GAD1: variants seen among roughly 807,000 people sequenced by gnomAD.
GAD1 encodes glutamate decarboxylase 1.
Under a neutral mutation model 75.2 loss-of-function variants are expected in GAD1, and 35 were observed. The observed-to-expected ratio is 0.47, with a 90% confidence interval of 0.36 to 0.62. The LOEUF is 0.62. Ranked by LOEUF, GAD1 falls within the 20% of genes least tolerant of loss-of-function variation. The probability of loss-of-function intolerance (pLI) is 0.00; values close to 1 mark genes in which losing one functional copy is unlikely to be tolerated. For synonymous variants in GAD1, 257 were observed against 271.9 expected (o/e 0.95, Z 0.54); for missense variants, 490 against 758.5 (o/e 0.65, Z 4.16).
In GAD1 at chr2:170,853,101, C is replaced by T. The variant is rs948014687; in HGVS notation, c.1263+309C>T. ...AAAAAGTGGGAGCAAGTAGGTGAGGCATCCAATCAGTTTTGTCCTCAGTGA... is the reference window on the plus strand; with the variant it reads ...AAAAAGTGGGAGCAAGTAGGTGAGGTATCCAATCAGTTTTGTCCTCAGTGA... On this transcript the variant is annotated intron_variant, in intron 13 of 16. Coordinates refer to ENST00000358196, the MANE Select transcript of GAD1 (RefSeq NM_000817.3). This position sits in a 1 kb window ranked among gnomAD's most constrained non-coding sequence, Gnocchi z 4.1. The T allele has an allele frequency of 2.3e-6, 1 of 441,150 alleles. No individual in the cohort carries two copies. The highest frequency in any genetic ancestry group is 2.0e-5 in the African/African-American group (1 of 50,042). 27.3% of individuals were successfully genotyped at this position (441,150 alleles called of 1,614,324 possible).
At chr2:170,835,121 T>C (rs1442756559) in intron 5 of GAD1, among the ~76,000 whole-genome samples, 1 of 152,212 alleles carries the variant, frequency 6.6e-6, no homozygotes, top group Non-Finnish European at 1.5e-5. Flanking sequence ...AATGTCATTG[T>C]CATACCTGAA....
Position 170,843,965 on chromosome 2 carries a change from T to C in GAD1, c.639-80T>C, listed in dbSNP as rs1559281384. 7.5e-6 allele frequency: 6 copies of C among 803,860 alleles called. No homozygotes were observed. In the Admixed American group the frequency reaches 9.3e-5, roughly 12 times the overall value. 49.8% of individuals were successfully genotyped at this position (803,860 alleles called of 1,614,324 possible). The stretch of plus-strand genomic sequence containing the variant: ...TTTTTTAGAACCCAACTACAAATAC[T>C]AAACCAATCCTCTGTGTTCCTAAAA... On this transcript the variant is annotated intron_variant, in intron 6 of 16. Transcript: ENST00000358196.
At position 170,853,807 on chromosome 2, in the gene GAD1, A is replaced by G. The variant is rs1000671041; in HGVS notation, c.1264-66A>G. 1.3e-6 allele frequency: 2 copies of G among 1,554,968 alleles called. No homozygotes were observed. Among genetic ancestry groups the G allele is most frequent in the Non-Finnish European group, 1.8e-6 (2 of 1,126,816 alleles). On this transcript the variant is annotated intron_variant, in intron 13 of 16. Coordinates refer to ENST00000358196, the MANE Select transcript of GAD1 (RefSeq NM_000817.3). The surrounding 1 kb of genome is among the most constrained non-coding windows in gnomAD (Gnocchi z 4.1). ...CCAAGCCCCTCCTTCCAAGCAGCCT[A>G]GTTTTAAAGCCACCCACATCTCTGA...
chr2:170,834,669 A>G (rs946379704), intron 5 of GAD1, among the ~76,000 whole-genome samples: 5 of 152,184 alleles, frequency 3.3e-5, no homozygotes, highest in Non-Finnish European at 1.5e-5. Context: ...CTGCTTTATT[A>G]TCAGCTTTTA....
chr2:170,832,127 C>T (rs938268795), intron 5 of GAD1, among the ~76,000 whole-genome samples: 4 of 152,068 alleles, frequency 2.6e-5, no homozygotes, highest in African/African-American at 9.7e-5. Flanking sequence ...TGGGCTATTT[C>T]CTCTCCCTTT....
At chr2:170,815,393 G>A (rs1198700673), upstream of GAD1, among the ~76,000 whole-genome samples, 1 of 152,168 alleles carries the variant, frequency 6.6e-6, no homozygotes, top group South Asian at 2.1e-4. Flanking sequence ...CAAAGGCAAC[G>A]CGATTATTTC....
chr2:170,845,631 G>C lies in GAD1; in HGVS notation c.867+10G>C. On this transcript the variant is annotated intron_variant, in intron 8 of 16. Coordinates refer to ENST00000358196, the MANE Select transcript of GAD1 (RefSeq NM_000817.3). The stretch of plus-strand genomic sequence containing the variant: ...CTTCACCTCAGAACAGGTGAGTCGG[G>C]GATGCTTTCTCATGGATAGTGGTGT... 1 of 1,613,426 alleles carries C rather than the reference G, an allele frequency of 6.2e-7. No homozygotes were observed.
At chr2:170,855,349 C>A (rs1017543450) in intron 14 of GAD1, among the ~76,000 whole-genome samples, 2 of 151,552 alleles carry the variant, frequency 1.3e-5, no homozygotes, top group Non-Finnish European at 2.9e-5. Context: ...GCTGAGATTA[C>A]AGGCATGCGC....
chr2:170,841,614 G>A (rs1702519131), intron 6 of GAD1, among the ~76,000 whole-genome samples: 1 of 152,154 alleles, frequency 6.6e-6, no homozygotes, highest in Non-Finnish European at 1.5e-5. Context: ...CCTTCTTTAA[G>A]AGTGCAGCTG....
chr2:170,816,537 GGAA>G (rs1013424992), upstream of GAD1: 3 of 152,186 alleles, frequency 2.0e-5, no homozygotes, highest in East Asian at 1.9e-4. Flanking sequence ...AGGAGGGGAG[GGAA>G]GAAGAAACGC....
At chr2:170,859,639 G>T (rs1702919179) in intron 16 of GAD1, 70 bp from the exon 17 acceptor site, 1 of 1,467,548 alleles carries the variant, frequency 6.8e-7, no homozygotes, top group South Asian at 1.2e-5. Context: ...AATGCAAGTT[G>T]GGTTGAATTG....
At chr2:170,845,113 C>T (rs1702602027) in intron 7 of GAD1, among the ~76,000 whole-genome samples, 1 of 152,148 alleles carries the variant, frequency 6.6e-6, no homozygotes, top group Non-Finnish European at 1.5e-5. Flanking sequence ...CTCTGTCTTT[C>T]TGAACTCAGG....
chr2:170,818,440 G>T lies in GAD1; in HGVS notation c.-63-89G>T. The T allele has an allele frequency of 1.3e-6, 1 of 748,402 alleles. No individual in the cohort carries two copies. The highest frequency in any genetic ancestry group is 2.5e-5 in the East Asian group (1 of 39,700). The allele number at this position is 748,402 out of a possible 1,614,324, so 46.4% of individuals were successfully genotyped here. A position where few individuals can be genotyped will look rare whatever the true frequency, so the allele number is the denominator to read the frequency against. On this transcript the variant is annotated intron_variant, in intron 1 of 16. Transcript: ENST00000358196. This position sits in a 1 kb window ranked among gnomAD's most constrained non-coding sequence, Gnocchi z 5.9. ...TGTCTCTCCAGAGCCGGATCTTCAA[G>T]GGGAGCCTCCGTGCCCCCGGCTGCT...
chr2:170,828,458 GTCCTCCCTCTGCTGTCCTTGATC>G (rs1419565405), intron 3 of GAD1, among the ~76,000 whole-genome samples: 21,204 of 89,786 alleles, frequency 0.24, 3,006 homozygotes, highest in East Asian at 0.39. Context: ...GGTCCTCGCT[GTCCTCCCTCTGCTGTCCTTGATC>G]TCCTCCCTCT....
intron 5 of GAD1, 115 bp from the exon 6 acceptor site, chr2:170,836,678 G>A (rs896780626): frequency 9.2e-6 from 7 of 760,350 alleles, no homozygotes; most frequent in African/African-American, 8.5e-5. Flanking sequence ...AGCCTTATTC[G>A]ACATATCACT....
rs185812450 is a variant in GAD1, at chr2:170,858,222, G to A, written c.1522-582G>A. Among the ~76,000 whole-genome samples the A allele has an allele frequency of 2.2e-4, 34 of 152,226 alleles. No homozygotes were observed. The East Asian group carries it at 6.0e-3, about 27-fold the overall frequency. Reference sequence around the variant, plus strand: ...GCGAGAAAACTTTATAGCAAGAATAGGGAAGAACTCAAAAAGCACAGGAAT... The same window carrying A: ...GCGAGAAAACTTTATAGCAAGAATAAGGAAGAACTCAAAAAGCACAGGAAT... On this transcript the variant is annotated intron_variant, in intron 15 of 16. Coordinates refer to ENST00000358196, the MANE Select transcript of GAD1 (RefSeq NM_000817.3).
intron 3 of GAD1, 96 bp from the exon 4 acceptor site, chr2:170,829,379 C>G: frequency 7.3e-7 from 1 of 1,374,020 alleles, no homozygotes; most frequent in Non-Finnish European, 1.0e-6. Flanking sequence ...TCAGGAGAAA[C>G]AAGAGCCCTG....
intron 15 of GAD1, among the ~76,000 whole-genome samples, chr2:170,857,745 T>C (rs1288505821): frequency 4.1e-4 from 62 of 152,188 alleles, no homozygotes; most frequent in Non-Finnish European, 2.1e-4. Flanking sequence ...CAAGATAAAA[T>C]TGTCTCTGCC....
chr2:170,846,013 A>G lies in GAD1; in HGVS notation c.952A>G (p.Lys318Glu), dbSNP rs17857149. ...VILIKCNERG[K>E]IIPADFEAKI... ...CTCCTTTTCCAATAATTATAGGGGG[A>G]AAATAATTCCAGCTGATTTTGAGGC... The change falls in exon 10 of 17, where the codon AAA becomes GAA. Residue 318 changes from lysine (K) to glutamate (E), a missense_variant. Transcript: ENST00000358196. The G allele has an allele frequency of 6.2e-7, 1 of 1,612,654 alleles. No individual in the cohort carries two copies. The highest frequency in any genetic ancestry group is 8.5e-7 in the Non-Finnish European group (1 of 1,178,790).
Sources: allele counts gnomAD v4.1 joint callset (sites outside exome capture counted in the v4.1 genomes callset), GRCh38; gene constraint gnomAD v4.1.1; non-coding constraint Gnocchi (gnomAD v3.1); transcripts MANE v1.5; gene names NCBI Gene and HGNC (gene_info 2026-07-23, HGNC 2026-07-21).